Variants in PLEKHG5 observed in about 807,000 individuals in gnomAD.
PLEKHG5 encodes pleckstrin homology domain-containing family G member 5.
In PLEKHG5, 52 loss-of-function variants were observed where a neutral mutation model predicts 103.8. That is an observed-to-expected ratio of 0.50 (90% CI 0.40 to 0.63). The LOEUF (loss-of-function observed/expected upper bound fraction) is 0.63, where lower values mean the gene tolerates loss of function less well. PLEKHG5 is among the 30% of genes least tolerant of loss of function. The pLI is 0.00. For missense variants in PLEKHG5, 1,205 were observed against 1,347.6 expected (o/e 0.89, Z 1.66); for synonymous variants, 592 against 575.5 (o/e 1.03, Z -0.41).
chr1:6,514,321 G>T (rs1378746574), intron 1 of PLEKHG5, among the ~76,000 whole-genome samples: 3 of 152,036 alleles, frequency 2.0e-5, no homozygotes, highest in Non-Finnish European at 4.4e-5. Context: ...TGGGCATGGT[G>T]GTATGCGCCT....
rs772519809 is a variant in PLEKHG5, at chr1:6,471,811, G to A, written c.1081-3C>T. On this transcript the variant is annotated splice_polypyrimidine_tract_variant and splice_region_variant and intron_variant, in intron 10 of 20. Transcript: ENST00000377728. Reference sequence around the variant, plus strand: ...TTCAGGAGGCAGCACAGGAACAGCTGTGGGATCAGGGGATGGTGTGACTGG... The same window carrying A: ...TTCAGGAGGCAGCACAGGAACAGCTATGGGATCAGGGGATGGTGTGACTGG... 1.2e-5 allele frequency: 20 copies of A among 1,605,990 alleles called. No individual in the cohort carries two copies. Among genetic ancestry groups the A allele is most frequent in the Non-Finnish European group, 1.7e-5 (20 of 1,176,504 alleles).
chr1:6,467,577 A>T lies in PLEKHG5; in HGVS notation c.3012-5T>A. The T allele has an allele frequency of 1.9e-6, 3 of 1,612,428 alleles. No homozygotes were observed. Among genetic ancestry groups the T allele is most frequent in the Non-Finnish European group, 2.5e-6 (3 of 1,178,932 alleles). ...CCTCCCTCTGCTCAGACCTCCCTAC[A>T]GGGTGGGGAGGGGACAGAGTCCTTC... On this transcript the variant is annotated splice_polypyrimidine_tract_variant and splice_region_variant and intron_variant, in intron 20 of 20. Coordinates refer to ENST00000377728, the MANE Select transcript of PLEKHG5 (RefSeq NM_020631.6).
chr1:6,469,499 C>G, intron 17 of PLEKHG5, 45 bp downstream of exon 17: 6 of 1,613,480 alleles, frequency 3.7e-6, no homozygotes, highest in Non-Finnish European at 5.1e-6. Flanking sequence ...ATGGCCCCCA[C>G]CCATCACAGC....
chr1:6,475,920 C>G lies in PLEKHG5; in HGVS notation c.149+11G>C. 1 of 1,606,204 alleles carries G rather than the reference C, an allele frequency of 6.2e-7. No individual in the cohort carries two copies. Among genetic ancestry groups the G allele is most frequent in the Non-Finnish European group, 8.5e-7 (1 of 1,172,826 alleles). Reference sequence around the variant, plus strand: ...TCCAGGTATCTCTCTGCCCACTCATCCCTCACCTACCCTTTGCCATCCACA... The same window carrying G: ...TCCAGGTATCTCTCTGCCCACTCATGCCTCACCTACCCTTTGCCATCCACA... On this transcript the variant is annotated intron_variant, in intron 3 of 20. Transcript: ENST00000377728.
rs1645144441 is a variant in PLEKHG5, at chr1:6,491,110, C to T, written c.-88+527G>A. Among the ~76,000 whole-genome samples, 1 of 151,338 alleles carries T rather than the reference C, an allele frequency of 6.6e-6. No individual in the cohort carries two copies. Among genetic ancestry groups the T allele is most frequent in the Non-Finnish European group, 1.5e-5 (1 of 67,840 alleles). On this transcript the variant is annotated intron_variant, in intron 1 of 20. Transcript: ENST00000377728. This position sits in a 1 kb window ranked among gnomAD's most constrained non-coding sequence, Gnocchi z 4.1. Reference sequence around the variant, plus strand: ...GGCCCCCTCTTTTTTTTTTTTCTGGCCCAGGTGATATGGCCGGAAAAGGGT... The same window carrying T: ...GGCCCCCTCTTTTTTTTTTTTCTGGTCCAGGTGATATGGCCGGAAAAGGGT...
At chr1:6,496,652 G>A (rs1645230187), upstream of PLEKHG5, 2 of 998,900 alleles carry the variant, frequency 2.0e-6, no homozygotes, top group South Asian at 1.8e-5. Flanking sequence ...CGGAGGAGGG[G>A]TGGGGTGATC....
intron 1 of PLEKHG5, chr1:6,519,295 A>G (rs944185890): frequency 4.2e-6 from 3 of 719,246 alleles, no homozygotes; most frequent in African/African-American, 1.7e-5. Context: ...ATGAGACCAA[A>G]TGGATCCAGC....
intron 16 of PLEKHG5, 146 bp from the exon 17 acceptor site, chr1:6,469,822 G>A (rs1644514604): frequency 1.4e-6 from 1 of 718,516 alleles, no homozygotes; most frequent in South Asian, 1.8e-5. Context: ...TGAAGAGGAA[G>A]ATGATTCTCT....
chr1:6,494,562 C>T (rs1645196439), upstream of PLEKHG5, among the ~76,000 whole-genome samples: 1 of 152,178 alleles, frequency 6.6e-6, no homozygotes, highest in Non-Finnish European at 1.5e-5. Flanking sequence ...CCACACCCAG[C>T]CAGTAGTGGT....
Position 6,490,409 on chromosome 1 carries a change from C to CT in PLEKHG5, c.-88+1227_-88+1228insA. 2 of 979,686 alleles carry CT rather than the reference C, an allele frequency of 2.0e-6. No individual in the cohort carries two copies. Among genetic ancestry groups the CT allele is most frequent in the South Asian group, 9.5e-5 (2 of 21,164 alleles). 60.7% of individuals were successfully genotyped at this position (979,686 alleles called of 1,614,324 possible). A position where few individuals can be genotyped will look rare whatever the true frequency, so the allele number is the denominator to read the frequency against. ...GGTCCTGGCGCCTAGTCCCACCCCCCGTCCGGAGCGCAGCTCCCACTTCCC... is the reference window on the plus strand; with the variant it reads ...GGTCCTGGCGCCTAGTCCCACCCCCCTGTCCGGAGCGCAGCTCCCACTTCCC... On this transcript the variant is annotated intron_variant, in intron 1 of 20. Transcript: ENST00000377728. The surrounding 1 kb of genome is among the most constrained non-coding windows in gnomAD (Gnocchi z 8.0).
Position 6,474,048 on chromosome 1 carries a change from CCA to C in PLEKHG5, c.554_555del (p.Val185GlyfsTer112). 1.9e-6 allele frequency: 3 copies of C among 1,564,238 alleles called. No homozygotes were observed. Among genetic ancestry groups the C allele is most frequent in the Non-Finnish European group, 2.6e-6 (3 of 1,151,776 alleles). On this transcript the variant is annotated frameshift_variant, in exon 7 of 21. Transcript: ENST00000377728. LOFTEE classifies it high-confidence loss of function. ...AGGCTCTCCCGGCGGCTCTGGGCGT[CCA>C]CACGCTCCAGGGCGGGGGGCCCGGT... ...AGTGPPALER[V>X]DAQSRRESLD...
chr1:6,496,897 G>A (rs572527699), upstream of PLEKHG5: 1,662 of 1,390,496 alleles, frequency 1.2e-3, 3 homozygotes, highest in Admixed American at 1.8e-3. Context: ...ACTTCCCAGG[G>A]GGTCCCGGCA....
Position 6,468,207 on chromosome 1 carries a change from T to TA in PLEKHG5, c.2628dup (p.Lys877Ter). On this transcript the variant is annotated frameshift_variant, in exon 20 of 21. Coordinates refer to ENST00000377728, the MANE Select transcript of PLEKHG5 (RefSeq NM_020631.6). LOFTEE classifies it high-confidence loss of function. ...AGCTGGAGGAGGCTGGCCTCGGACT[T>TA]AGACTTGAGCAGGTGGGGCGGGCAG... 1 of 1,582,406 alleles carries TA rather than the reference T, an allele frequency of 6.3e-7. No homozygotes were observed. The highest frequency in any genetic ancestry group is 8.6e-7 in the Non-Finnish European group (1 of 1,161,770).
chr1:6,475,489 C>T lies in PLEKHG5; in HGVS notation c.183G>A (p.Lys61=), dbSNP rs1644740365. The change falls in exon 4 of 21, where the codon AAG becomes AAA. Residue 61 remains lysine (K), a synonymous_variant. Transcript: ENST00000377728. ...CCGTGTGTCTCCTCCTTGCTTTCTT[C>T]TTGGAGAGTTTCAGGCCTGTGCTCT... ...DRKSTGLKLS[K]KKARRRHTDD... 1.2e-6 allele frequency: 2 copies of T among 1,613,550 alleles called. No individual in the cohort carries two copies. Among genetic ancestry groups the T allele is most frequent in the Non-Finnish European group, 1.7e-6 (2 of 1,179,916 alleles).
intron 1 of PLEKHG5, chr1:6,519,294 A>G (rs1264415483): frequency 5.6e-6 from 4 of 718,534 alleles, no homozygotes; most frequent in Admixed American, 2.0e-5. Context: ...AATGAGACCA[A>G]ATGGATCCAG....
intron 19 of PLEKHG5, 89 bp from the exon 20 acceptor site, chr1:6,468,675 C>A (rs1263848833): frequency 1.4e-6 from 2 of 1,396,226 alleles, no homozygotes; most frequent in Non-Finnish European, 2.0e-6. Flanking sequence ...GTGGTTTATA[C>A]CCTCTGCCCT....
chr1:6,469,708 G>A, intron 16 of PLEKHG5, 32 bp from the exon 17 acceptor site: 3 of 1,608,110 alleles, frequency 1.9e-6, no homozygotes, highest in Non-Finnish European at 2.5e-6. Context: ...TGGCCAGAGA[G>A]GCCAGCAGGG....
chr1:6,503,177 C>T (rs1175063798), intron 1 of PLEKHG5, among the ~76,000 whole-genome samples: 1 of 152,114 alleles, frequency 6.6e-6, no homozygotes, highest in Non-Finnish European at 1.5e-5. Flanking sequence ...CTTTGGGAAG[C>T]CAAGGAGGCA....
Position 6,519,510 on chromosome 1 carries a change from A to G in PLEKHG5, c.-230T>C, listed in dbSNP as rs775018249. On this transcript the variant is annotated 5_prime_UTR_variant, in exon 1 of 22. Transcript: ENST00000377740. ...CCCATGTTTTGTCAGGACTGAATTCATGCTTGACCTCTGCGGTGGTGGCAC... is the reference window on the plus strand; with the variant it reads ...CCCATGTTTTGTCAGGACTGAATTCGTGCTTGACCTCTGCGGTGGTGGCAC... The G allele has an allele frequency of 3.7e-6, 6 of 1,613,512 alleles. No homozygotes were observed. In the Admixed American group the frequency reaches 1.0e-4, roughly 27 times the overall value.
Sources: allele counts gnomAD v4.1 joint callset (sites outside exome capture counted in the v4.1 genomes callset), GRCh38; gene constraint gnomAD v4.1.1; non-coding constraint Gnocchi (gnomAD v3.1); transcripts MANE v1.5; gene names NCBI Gene and HGNC (gene_info 2026-07-23, HGNC 2026-07-21).